Variants in UPF2 observed in about 807,000 individuals in gnomAD.
UPF2 encodes the protein regulator of nonsense transcripts 2.
In UPF2, 17 loss-of-function variants were observed where a neutral mutation model predicts 141.4. The observed-to-expected ratio is 0.12, with a 90% CI of 0.08 to 0.18. The LOEUF is 0.18. UPF2 is among the 10% of genes least tolerant of loss of function. UPF2 has a pLI of 1.00. For synonymous variants in UPF2, 540 were observed against 498.0 expected, an observed-to-expected ratio of 1.08 and a Z score of -1.12; for missense variants, 1,152 against 1,515.9, an observed-to-expected ratio of 0.76 and a Z score of 3.99.
chr10:11,983,384 T>G (rs1833631288), intron 8 of UPF2, among the ~76,000 whole-genome samples: 1 of 151,726 alleles, frequency 6.6e-6, no homozygotes, highest in Non-Finnish European at 1.5e-5. Flanking sequence ...ATTTACTTAT[T>G]TTTTTTTAGA....
intron 11 of UPF2, 138 bp downstream of exon 11, chr10:11,963,871 T>C (rs1006957177): frequency 3.2e-6 from 2 of 621,134 alleles, no homozygotes; most frequent in African/African-American, 1.9e-5. Context: ...CTCATATGTA[T>C]GGGATGTTCC....
intron 1 of UPF2, among the ~76,000 whole-genome samples, chr10:12,040,039 A>C (rs1834708070): frequency 6.6e-6 from 1 of 152,228 alleles, no homozygotes; most frequent in Non-Finnish European, 1.5e-5. Flanking sequence ...ACAAAGTCCC[A>C]AACTTTCATG....
rs1833279882 is a variant in UPF2 at position 11,964,015 on chromosome 10, T to C, written c.2178A>G (p.Val726=). 6.8e-6 allele frequency: 11 copies of C among 1,612,414 alleles called. No homozygotes were observed. The highest frequency in any genetic ancestry group is 1.1e-5 in the South Asian group (1 of 90,900). Residue 726 remains valine, a synonymous_variant, in exon 11 of 22, where the codon GTA becomes GTG. Transcript: ENST00000357604. ...AGCATCCTCAAGCCCTTACCAAAAG[T>C]ACACTGGTCCTCAGGTGAGATTCTG... ...RSPESHLRTS[V]LLEQMMRKKQ...
In UPF2 at chr10:11,940,902, GAC is replaced by G. The variant is rs1391220118; in HGVS notation, c.3378+1761_3378+1762del. On this transcript the variant is annotated intron_variant, in intron 18 of 21. Transcript: ENST00000357604. The surrounding 1 kb of genome is among the most constrained non-coding windows in gnomAD (Gnocchi z 4.2). The stretch of plus-strand genomic sequence containing the variant: ...GGTTCTTTTCTCCCTCAAGACATTT[GAC>G]ACATTGTTCCCATCTTCCCTTAAAT... Among the ~76,000 whole-genome samples the G allele has an allele frequency of 5.3e-5, 8 of 152,084 alleles. No homozygotes were observed. The highest frequency in any genetic ancestry group is 5.2e-4 in the Admixed American group (8 of 15,258).
intron 16 of UPF2, 98 bp downstream of exon 16, chr10:11,948,268 AAAC>A: frequency 2.2e-5 from 25 of 1,137,830 alleles, no homozygotes; most frequent in Middle Eastern, 2.6e-4. Context: ...AAAAAAAAAA[AAAC>A]CAGGAGGAGG....
At position 11,939,625 on chromosome 10, in the gene UPF2, C is replaced by T. The variant is rs74394174; in HGVS notation, c.3379-2913G>A. 1.3e-5 allele frequency among the ~76,000 whole-genome samples: 2 copies of T among 152,064 alleles called. No homozygotes were observed. The highest frequency in any genetic ancestry group is 2.9e-5 in the Non-Finnish European group (2 of 68,002). On this transcript the variant is annotated intron_variant, in intron 18 of 21. Transcript: ENST00000357604. This position sits in a 1 kb window ranked among gnomAD's most constrained non-coding sequence, Gnocchi z 4.8. ...CACCTCCCAGGTTCAAGTGATTCTCCTGACTCAGCCTCCTGAGTAGCTGGG... is the reference window on the plus strand; with the variant it reads ...CACCTCCCAGGTTCAAGTGATTCTCTTGACTCAGCCTCCTGAGTAGCTGGG...
chr10:12,021,163 G>T (rs965245487), intron 3 of UPF2, among the ~76,000 whole-genome samples: 4 of 152,146 alleles, frequency 2.6e-5, no homozygotes, highest in Admixed American at 6.5e-5. Flanking sequence ...TATTGGGCAA[G>T]CCCTTTAATC....
At chr10:11,928,724 T>A in intron 21 of UPF2, 1 of 346,402 alleles carries the variant, frequency 2.9e-6, no homozygotes, top group Non-Finnish European at 5.7e-6. Flanking sequence ...AAAAAAAAAC[T>A]AAAAACCATA....
chr10:12,019,365 TCTA>T lies in UPF2; in HGVS notation c.1146-5184_1146-5182del, dbSNP rs1211477196. Among the ~76,000 whole-genome samples, 1 of 152,222 alleles carries T rather than the reference TCTA, an allele frequency of 6.6e-6. No individual in the cohort carries two copies. Among genetic ancestry groups the T allele is most frequent in the Non-Finnish European group, 1.5e-5 (1 of 68,046 alleles). The stretch of plus-strand genomic sequence containing the variant: ...ATCATTTTCATGCTTCCCAAAACAT[TCTA>T]CTTTTGACTATTTTTCAACCATTTA... On this transcript the variant is annotated intron_variant, in intron 3 of 21. Coordinates refer to ENST00000357604, the MANE Select transcript of UPF2 (RefSeq NM_015542.4). The surrounding 1 kb of genome is among the most constrained non-coding windows in gnomAD (Gnocchi z 4.5).
chr10:12,022,663 T>G (rs1030522517), intron 3 of UPF2, among the ~76,000 whole-genome samples: 1 of 152,118 alleles, frequency 6.6e-6, no homozygotes, highest in African/African-American at 2.4e-5. Context: ...ACATCTTAAT[T>G]GTGCTTAAAT....
At chr10:11,985,958 C>G (rs1170255736) in intron 8 of UPF2, among the ~76,000 whole-genome samples, 1 of 140,884 alleles carries the variant, frequency 7.1e-6, no homozygotes, top group Non-Finnish European at 1.5e-5. Flanking sequence ...GATCCCCACT[C>G]ACTGTAAGCT....
At chr10:11,941,172 G>A (rs1832931621) in intron 18 of UPF2, among the ~76,000 whole-genome samples, 1 of 152,142 alleles carries the variant, frequency 6.6e-6, no homozygotes, top group Non-Finnish European at 1.5e-5. Context: ...GATGCACACT[G>A]TTAAGCACAC....
At chr10:11,975,707 G>A (rs1833496047) in intron 9 of UPF2, among the ~76,000 whole-genome samples, 1 of 151,538 alleles carries the variant, frequency 6.6e-6, no homozygotes, top group Non-Finnish European at 1.5e-5. Context: ...TAGGGAGACG[G>A]AGTTTCTCCA....
rs199644138 is a variant in UPF2, at chr10:11,954,633, C to CAA, written c.2850+597_2850+598dup. 2.2e-3 allele frequency among the ~76,000 whole-genome samples: 280 copies of CAA among 128,000 alleles called. 2 individuals carry two copies. Among genetic ancestry groups the CAA allele is most frequent in the South Asian group, 0.011 (41 of 3,680 alleles). 84.0% of individuals were successfully genotyped at this position (128,000 alleles called of 152,430 possible). On this transcript the variant is annotated intron_variant, in intron 14 of 21. Coordinates refer to ENST00000357604, the MANE Select transcript of UPF2 (RefSeq NM_015542.4). ...TGGATGACACAGCAAGACTTACTCT[C>CAA]AAAAAAAAAAATATATATATATATA...
rs1832787261 is a variant in UPF2, at chr10:11,931,986, T to A, written c.3547-204A>T. On this transcript the variant is annotated intron_variant, in intron 19 of 21. Transcript: ENST00000357604. This position sits in a 1 kb window ranked among gnomAD's most constrained non-coding sequence, Gnocchi z 5.9. Reference sequence around the variant, plus strand: ...CAACATGATGAAACCCCGTCTTTACTAAAAACACAAAAATTAGCTGGGTGT... The same window carrying A: ...CAACATGATGAAACCCCGTCTTTACAAAAAACACAAAAATTAGCTGGGTGT... Among the ~76,000 whole-genome samples the A allele has an allele frequency of 6.6e-6, 1 of 152,080 alleles. No homozygotes were observed. The highest frequency in any genetic ancestry group is 2.1e-4 in the South Asian group (1 of 4,826).
rs1355608993 is a variant in UPF2 at position 11,997,752 on chromosome 10, T to C, written c.1764A>G (p.Ala588=). 1.2e-6 allele frequency: 2 copies of C among 1,613,658 alleles called. No homozygotes were observed. The highest frequency in any genetic ancestry group is 1.7e-6 in the Non-Finnish European group (2 of 1,179,852). ...CVNRDLIDKA[A]MDFCMNMNTK... Reference sequence around the variant, plus strand: ...TGTTCATGTTCATGCAAAAATCCATTGCTGCCTATTGGGAAAAAGTAAACT... The same window carrying C: ...TGTTCATGTTCATGCAAAAATCCATCGCTGCCTATTGGGAAAAAGTAAACT... Residue 588 remains alanine (A), a synonymous_variant, in exon 8 of 22, where the codon GCA becomes GCG. Coordinates refer to ENST00000357604, the MANE Select transcript of UPF2 (RefSeq NM_015542.4).
At chr10:11,966,219 T>C (rs1444940995) in intron 10 of UPF2, among the ~76,000 whole-genome samples, 2 of 152,200 alleles carry the variant, frequency 1.3e-5, no homozygotes, top group African/African-American at 2.4e-5. Context: ...CAATTCTGTA[T>C]ATACTTACTT....
chr10:11,942,589 T>TA (rs1227729160), intron 18 of UPF2, 76 bp downstream of exon 18: 8 of 1,389,838 alleles, frequency 5.8e-6, no homozygotes, highest in Non-Finnish European at 8.1e-6. Flanking sequence ...AGGAGAGGCC[T>TA]TCACATGAAC....
chr10:11,975,393 T>C (rs1833489864), intron 9 of UPF2, among the ~76,000 whole-genome samples: 1 of 152,236 alleles, frequency 6.6e-6, no homozygotes, highest in Non-Finnish European at 1.5e-5. Flanking sequence ...TACGTTAACA[T>C]ACTGATATGT....
Sources: gnomAD v4.1 joint callset for allele counts (sites outside exome capture counted in the v4.1 genomes callset) on GRCh38, gnomAD v4.1.1 for gene constraint, Gnocchi (gnomAD v3.1) non-coding constraint, MANE v1.5 for transcripts, NCBI Gene and HGNC (gene_info 2026-07-23, HGNC 2026-07-21) for gene names.